The following LAMA2 variants were observed in gnomAD, a reference collection of about 807,000 sequenced individuals.
LAMA2 encodes laminin subunit alpha-2.
LAMA2 carries 269 observed loss-of-function variants against 364.8 expected under a neutral mutation model. The observed-to-expected ratio is 0.74, with a 90% CI of 0.67 to 0.82. LAMA2 has a LOEUF of 0.82. Ranked by LOEUF, LAMA2 falls within the 40% of genes least tolerant of loss-of-function variation. The pLI, the probability that LAMA2 is intolerant of heterozygous loss-of-function variation, is 0.00. For missense variants in LAMA2, 3,807 were observed against 3,873.2 expected (o/e 0.98, Z 0.45); for synonymous variants, 1,379 against 1,370.6 (o/e 1.01, Z -0.14).
intron 22 of LAMA2, among the ~76,000 whole-genome samples, chr6:129,308,114 TG>T (rs1303864656): frequency 6.6e-6 from 1 of 152,204 alleles, no homozygotes; most frequent in Non-Finnish European, 1.5e-5. Context: ...CAATTAGACA[TG>T]TGATTAGAAA....
chr6:129,355,177 A>G (rs1438216515), intron 32 of LAMA2, among the ~76,000 whole-genome samples: 5 of 152,142 alleles, frequency 3.3e-5, no homozygotes, highest in African/African-American at 9.7e-5. Flanking sequence ...ATTATCTTAT[A>G]ATTATGCTGT....
intron 1 of LAMA2, among the ~76,000 whole-genome samples, chr6:128,920,455 C>G (rs1184826662): frequency 6.6e-6 from 1 of 152,020 alleles, no homozygotes; most frequent in East Asian, 1.9e-4. Context: ...CGTGCCGGTC[C>G]CTCATGCTCC....
intron 8 of LAMA2, among the ~76,000 whole-genome samples, chr6:129,162,657 GCCATTATTTGTT>G (rs1779505929): frequency 6.6e-6 from 1 of 151,890 alleles, no homozygotes; most frequent in Admixed American, 6.6e-5. Context: ...TGACAACATA[GCCATTATTTGTT>G]TCTTTGTTCT....
intron 1 of LAMA2, among the ~76,000 whole-genome samples, chr6:129,018,527 T>A (rs1562923694): frequency 6.6e-6 from 1 of 150,610 alleles, no homozygotes; most frequent in African/African-American, 2.5e-5. Context: ...TTAAGAAACT[T>A]GAGATTTAAA....
intron 12 of LAMA2, among the ~76,000 whole-genome samples, chr6:129,241,239 A>C (rs1048070540): frequency 6.6e-6 from 1 of 152,216 alleles, no homozygotes; most frequent in Non-Finnish European, 1.5e-5. Context: ...AAGATCTACT[A>C]TCTATAAGAT....
intron 27 of LAMA2, among the ~76,000 whole-genome samples, chr6:129,319,517 A>G (rs912939520): frequency 1.3e-5 from 2 of 152,188 alleles, no homozygotes; most frequent in East Asian, 3.8e-4. Flanking sequence ...TTGGTACATG[A>G]GCCCCAGAAA....
intron 34 of LAMA2, among the ~76,000 whole-genome samples, chr6:129,372,140 T>C (rs1778124122): frequency 6.6e-6 from 1 of 152,184 alleles, no homozygotes. Context: ...TAAACCTAAG[T>C]TGACACCTCC....
At chr6:129,044,906 T>G (rs1205783781) in intron 1 of LAMA2, among the ~76,000 whole-genome samples, 1 of 152,098 alleles carries the variant, frequency 6.6e-6, no homozygotes, top group African/African-American at 2.4e-5. Flanking sequence ...TAACACATAT[T>G]GAATATGGAA....
chr6:128,980,834 C>T (rs1183301072), intron 1 of LAMA2, among the ~76,000 whole-genome samples: 5 of 152,230 alleles, frequency 3.3e-5, no homozygotes, highest in East Asian at 1.9e-4. Flanking sequence ...TTGATTTTAA[C>T]GTGTATATCT....
intron 3 of LAMA2, among the ~76,000 whole-genome samples, chr6:129,094,043 C>T (rs1188685081): frequency 2.6e-5 from 4 of 152,098 alleles, no homozygotes; most frequent in Non-Finnish European, 5.9e-5. Context: ...GAAAACAAGA[C>T]ACAGTTAATA....
At chr6:129,258,648 T>A (rs962529953) in intron 14 of LAMA2, among the ~76,000 whole-genome samples, 2 of 152,072 alleles carry the variant, frequency 1.3e-5, no homozygotes, top group Non-Finnish European at 2.9e-5. Context: ...ATTTATTTTT[T>A]AAATTTTAAA....
intron 4 of LAMA2, among the ~76,000 whole-genome samples, chr6:129,103,797 A>T (rs1201410543): frequency 1.3e-5 from 2 of 151,942 alleles, no homozygotes; most frequent in Admixed American, 6.6e-5. Context: ...GTAGATTTTT[A>T]AAATGTTTTT....
intron 15 of LAMA2, among the ~76,000 whole-genome samples, chr6:129,264,586 A>G (rs1236464118): frequency 6.6e-6 from 1 of 152,310 alleles, no homozygotes; most frequent in East Asian, 1.9e-4. Context: ...CAATTGATTT[A>G]AAAAAGAGAG....
At chr6:128,944,295 CTTCTTATG>C (rs1170924866) in intron 1 of LAMA2, among the ~76,000 whole-genome samples, 1 of 152,126 alleles carries the variant, frequency 6.6e-6, no homozygotes, top group Non-Finnish European at 1.5e-5. Context: ...TTTATCAGGA[CTTCTTATG>C]TTCACCCCAA....
intron 1 of LAMA2, among the ~76,000 whole-genome samples, chr6:128,963,781 G>A (rs1277000427): frequency 1.3e-5 from 2 of 152,036 alleles, no homozygotes; most frequent in African/African-American, 2.4e-5. Flanking sequence ...TTAAAACCAG[G>A]AAGCCATGCC....
At position 129,213,618 on chromosome 6, in the gene LAMA2, A is replaced by G. The variant is rs1001876119; in HGVS notation, c.1782+20765A>G. On this transcript the variant is annotated intron_variant, in intron 12 of 64. Coordinates refer to ENST00000421865, the MANE Select transcript of LAMA2 (RefSeq NM_000426.4). ...CGTTGTTTTAATTTGAAATTCTCTA[A>G]TGATGTAAGATGATGAGCATGTTTT... 5.3e-5 allele frequency among the ~76,000 whole-genome samples: 8 copies of G among 152,288 alleles called. No homozygotes were observed. The East Asian group carries it at 1.5e-3, about 29-fold the overall frequency.
chr6:129,023,412 T>C (rs1206025419), intron 1 of LAMA2, among the ~76,000 whole-genome samples: 1 of 152,186 alleles, frequency 6.6e-6, no homozygotes, highest in Non-Finnish European at 1.5e-5. Context: ...TGCTCCTCTT[T>C]TTCCATTCCA....
Position 129,491,891 on chromosome 6 carries a change from AT to A in LAMA2, c.7899-6del. 6.3e-7 allele frequency: 1 copy of A among 1,594,614 alleles called. No homozygotes were observed. The highest frequency in any genetic ancestry group is 8.6e-7 in the Non-Finnish European group (1 of 1,162,780). On this transcript the variant is annotated splice_polypyrimidine_tract_variant and intron_variant, in intron 56 of 64. Transcript: ENST00000421865. ...TGACTTATACTTGTTTATTTTTAAT[AT>A]TTTATCAGCATCTTTACAGTTCAAG...
chr6:129,509,594 C>G (rs942479940), intron 62 of LAMA2, among the ~76,000 whole-genome samples: 3 of 152,106 alleles, frequency 2.0e-5, no homozygotes, highest in Non-Finnish European at 4.4e-5. Flanking sequence ...TTCCCTGCAC[C>G]ATTTATTGAA....
Sources: gnomAD v4.1 joint callset for allele counts (sites outside exome capture counted in the v4.1 genomes callset) on GRCh38, gnomAD v4.1.1 for gene constraint, MANE v1.5 for transcripts, NCBI Gene and HGNC (gene_info 2026-07-23, HGNC 2026-07-21) for gene names.